Variants in KDM2A observed in about 807,000 individuals in gnomAD.
KDM2A encodes lysine-specific demethylase 2A.
KDM2A carries 3 observed loss-of-function variants against 137.3 expected under a neutral mutation model. That is an observed-to-expected ratio of 0.02 (90% confidence interval 0.01 to 0.06). The LOEUF (loss-of-function observed/expected upper bound fraction) is 0.06, where lower values mean the gene tolerates loss of function less well. Ranked by LOEUF, KDM2A falls within the 10% of genes least tolerant of loss-of-function variation. The pLI, the probability that KDM2A is intolerant of heterozygous loss-of-function variation, is 1.00. For synonymous variants in KDM2A, 512 were observed against 541.5 expected (o/e 0.95, Z 0.76); for missense variants, 738 against 1,510.6 (o/e 0.49, Z 8.48).
chr11:67,252,512 T>C (rs1276543339), intron 17 of KDM2A, 182 bp from the exon 18 acceptor site: 2 of 641,974 alleles, frequency 3.1e-6, no homozygotes, highest in Non-Finnish European at 5.6e-6. Context: ...CTAGTTGTTG[T>C]AGAGTTCAAG....
chr11:67,172,760 A>AT (rs1856905151), intron 2 of KDM2A, among the ~76,000 whole-genome samples: 1 of 152,064 alleles, frequency 6.6e-6, no homozygotes. Context: ...ATAGCTAGAA[A>AT]TTTCTTGCCT....
Position 67,250,143 on chromosome 11 carries a change from C to T in KDM2A, c.2113C>T (p.Leu705=), listed in dbSNP as rs760300632. The T allele has an allele frequency of 1.0e-4, 161 of 1,612,988 alleles. No homozygotes were observed. The highest frequency in any genetic ancestry group is 9.9e-4 in the Middle Eastern group (6 of 6,078). ...TGTGCAAGCCAAAGTCCTGCGGCCC[C>T]TGCGGAGCTGCGATGAGCCTCTCAC... ...EAVQAKVLRP[L]RSCDEPLTPP... The change falls in exon 17 of 21, where the codon CTG becomes TTG. Residue 705 remains leucine, a synonymous_variant. Transcript: ENST00000529006. The surrounding 1 kb of genome is among the most constrained non-coding windows in gnomAD (Gnocchi z 7.1).
intron 6 of KDM2A, among the ~76,000 whole-genome samples, chr11:67,208,089 A>G (rs999785096): frequency 5.9e-5 from 9 of 152,120 alleles, no homozygotes; most frequent in African/African-American, 1.9e-4. Flanking sequence ...CTTTTTGCAC[A>G]TATCAAGATT....
At chr11:67,137,625 A>G (rs1855996776) in intron 2 of KDM2A, among the ~76,000 whole-genome samples, 1 of 152,144 alleles carries the variant, frequency 6.6e-6, no homozygotes, top group South Asian at 2.1e-4. Context: ...TCTTTTATTG[A>G]AATAGGGTAC....
chr11:67,224,461 CTTTT>C (rs35180780), intron 10 of KDM2A, among the ~76,000 whole-genome samples: 1 of 95,164 alleles, frequency 1.1e-5, no homozygotes. Flanking sequence ...TAACCCCTTT[CTTTT>C]TTTTTTTTTT....
In KDM2A at chr11:67,245,823, T is replaced by C; in HGVS notation, c.1834-162T>C. The stretch of plus-strand genomic sequence containing the variant: ...GTTGAGTCCTCCTCTTCCCCAGTCA[T>C]TTTTCCTACCCAAAACCTCCGTTCT... On this transcript the variant is annotated intron_variant, in intron 14 of 20. Transcript: ENST00000529006. This position sits in a 1 kb window ranked among gnomAD's most constrained non-coding sequence, Gnocchi z 4.1. The C allele has an allele frequency of 1.2e-6, 1 of 801,940 alleles. No homozygotes were observed. The highest frequency in any genetic ancestry group is 1.9e-5 in the South Asian group (1 of 52,698). 49.7% of individuals were successfully genotyped at this position (801,940 alleles called of 1,614,324 possible).
intron 6 of KDM2A, among the ~76,000 whole-genome samples, chr11:67,213,546 T>C (rs987655064): frequency 6.6e-6 from 1 of 151,972 alleles, no homozygotes; most frequent in Non-Finnish European, 1.5e-5. Flanking sequence ...TTGCCTGAGA[T>C]CAGAAGTTCG....
In KDM2A at chr11:67,250,313, G is replaced by C. The variant is rs1464717027; in HGVS notation, c.2283G>C (p.Gln761His). 2 of 1,613,936 alleles carry C rather than the reference G, an allele frequency of 1.2e-6. No homozygotes were observed. The highest frequency in any genetic ancestry group is 1.7e-5 in the Admixed American group (1 of 60,036). ...GCGATGAGCGCTTCAAACGGCGGCA[G>C]TTGCTGCGGCTGCAGGCCACAGAGC... ...ASRDERFKRR[Q>H]LLRLQATERT... The change falls in exon 17 of 21, where the codon CAG (glutamine) becomes CAC (histidine). Residue 761 changes from glutamine (Q) to histidine (H), a missense_variant. Gln to His is a conservative substitution (Grantham distance 24). Around this residue, in one of 9 missense-constraint regions of KDM2A, gnomAD observed 244 missense variants for 324.6 expected, o/e 0.75. Coordinates refer to ENST00000529006, the MANE Select transcript of KDM2A (RefSeq NM_012308.3). This position sits in a 1 kb window ranked among gnomAD's most constrained non-coding sequence, Gnocchi z 7.1.
At chr11:67,160,830 G>A (rs1856618196) in intron 2 of KDM2A, among the ~76,000 whole-genome samples, 1 of 152,142 alleles carries the variant, frequency 6.6e-6, no homozygotes, top group Admixed American at 6.5e-5. Flanking sequence ...AGAGCTAGCG[G>A]GGCACTGAGG....
intron 5 of KDM2A, among the ~76,000 whole-genome samples, chr11:67,191,990 TTGTC>T (rs1857366021): frequency 6.6e-6 from 1 of 152,238 alleles, no homozygotes; most frequent in Non-Finnish European, 1.5e-5. Context: ...GTTTTGCTGT[TTGTC>T]AAATATTTCA....
intron 2 of KDM2A, among the ~76,000 whole-genome samples, chr11:67,175,662 C>T (rs977811079): frequency 6.6e-6 from 1 of 152,054 alleles, no homozygotes; most frequent in Non-Finnish European, 1.5e-5. Context: ...AACTTTTTGC[C>T]TATCATATTA....
In KDM2A at chr11:67,250,628, A is replaced by C; in HGVS notation, c.2598A>C (p.Glu866Asp). ...AGGAAGAGGAGGAGGAGGAGGAGGA[A>C]GATGACAGTGCAGAGGAGGGGGGTG... ...EEEEEEEEEE[E>D]DDSAEEGGAA... is the part of the protein sequence containing the mutation. The change falls in exon 17 of 21, where the codon GAA becomes GAC. Residue 866 changes from glutamate (E) to aspartate (D), a missense_variant. By Grantham distance (45) the Glu-to-Asp change is conservative. Around this residue, in one of 9 missense-constraint regions of KDM2A, gnomAD observed 244 missense variants for 324.6 expected, o/e 0.75. Transcript: ENST00000529006. The surrounding 1 kb of genome is among the most constrained non-coding windows in gnomAD (Gnocchi z 7.1). 6.2e-7 allele frequency: 1 copy of C among 1,612,224 alleles called. No individual in the cohort carries two copies. Among genetic ancestry groups the C allele is most frequent in the Non-Finnish European group, 8.5e-7 (1 of 1,178,824 alleles).
intron 9 of KDM2A, among the ~76,000 whole-genome samples, chr11:67,218,625 A>G (rs1197996476): frequency 6.6e-6 from 1 of 151,892 alleles, no homozygotes; most frequent in Non-Finnish European, 1.5e-5. Flanking sequence ...TTATTTTGAG[A>G]TGGAGTCTTG....
intron 5 of KDM2A, among the ~76,000 whole-genome samples, chr11:67,199,314 C>T (rs1285839910): frequency 1.3e-5 from 2 of 152,266 alleles, no homozygotes; most frequent in African/African-American, 4.8e-5. Context: ...AAGAGTCCCA[C>T]CTCTCTCACT....
chr11:67,208,044 A>C (rs774052517), intron 6 of KDM2A, among the ~76,000 whole-genome samples: 6 of 152,158 alleles, frequency 3.9e-5, no homozygotes, highest in Admixed American at 3.9e-4. Flanking sequence ...AATTTAAAAT[A>C]AAATGCGTTG....
At chr11:67,192,433 CTTTTTTT>C (rs921321640) in intron 5 of KDM2A, among the ~76,000 whole-genome samples, 17 of 70,558 alleles carry the variant, frequency 2.4e-4, no homozygotes, top group East Asian at 1.7e-3. Flanking sequence ...GTTTCCATTT[CTTTTTTT>C]TTTTTTTTTT....
intron 2 of KDM2A, among the ~76,000 whole-genome samples, chr11:67,122,415 C>T (rs1482465036): frequency 1.3e-5 from 2 of 152,128 alleles, no homozygotes; most frequent in East Asian, 3.8e-4. Context: ...CAGCCTCCAC[C>T]TCCTGGGTTC....
intron 5 of KDM2A, among the ~76,000 whole-genome samples, chr11:67,203,965 TA>T (rs1364402440): frequency 6.6e-6 from 1 of 151,854 alleles, no homozygotes; most frequent in Non-Finnish European, 1.5e-5. Flanking sequence ...CACGCCCAGC[TA>T]ATTTTTGTAT....
At chr11:67,191,851 AAG>A (rs1857362810) in intron 5 of KDM2A, among the ~76,000 whole-genome samples, 1 of 152,222 alleles carries the variant, frequency 6.6e-6, no homozygotes, top group African/African-American at 2.4e-5. Flanking sequence ...TAGGCAAAAA[AAG>A]GAAAGAAAAG....
Sources: gnomAD v4.1 joint callset for allele counts (sites outside exome capture counted in the v4.1 genomes callset) on GRCh38, gnomAD v4.1.1 for gene constraint, gnomAD v4.1.1 regional missense constraint, Gnocchi (gnomAD v3.1) non-coding constraint, MANE v1.5 for transcripts, NCBI Gene and HGNC (gene_info 2026-07-23, HGNC 2026-07-21) for gene names.